NKAIN3: variants seen among roughly 807,000 people sequenced by gnomAD.
NKAIN3 encodes the protein sodium/potassium-transporting ATPase subunit beta-1-interacting protein 3.
In NKAIN3, 25 loss-of-function variants were observed where a neutral mutation model predicts 30.2. That is an observed-to-expected ratio of 0.83 (90% CI 0.60 to 1.16). The LOEUF (loss-of-function observed/expected upper bound fraction) is 1.16. Among genes scored for constraint, NKAIN3 ranks in the 50% most tolerant of loss-of-function variants. The pLI, the probability that NKAIN3 is intolerant of heterozygous loss-of-function variation, is 0.00. For missense variants in NKAIN3, 225 were observed against 254.1 expected, an observed-to-expected ratio of 0.89 and a Z score of 0.78; for synonymous variants, 91 against 89.6, an observed-to-expected ratio of 1.02 and a Z score of -0.09.
intron 6 of NKAIN3, 70 bp downstream of exon 6, chr8:62,954,042 A>C: frequency 4.9e-6 from 2 of 411,746 alleles, no homozygotes; most frequent in Non-Finnish European, 6.5e-6. Flanking sequence ...CAAAAGTGAA[A>C]TAATTTGAAC....
At chr8:62,902,172 G>GA (rs1172218861) in intron 4 of NKAIN3, among the ~76,000 whole-genome samples, 3 of 152,160 alleles carry the variant, frequency 2.0e-5, no homozygotes, top group Middle Eastern at 3.2e-3. Flanking sequence ...TGGTTCTGTG[G>GA]AAATCTGTAT....
At chr8:62,546,377 T>C (rs1314221251) in intron 1 of NKAIN3, among the ~76,000 whole-genome samples, 1 of 152,124 alleles carries the variant, frequency 6.6e-6, no homozygotes, top group Non-Finnish European at 1.5e-5. Flanking sequence ...AGTTTCAGAG[T>C]TGCTATGGCT....
Position 62,454,301 on chromosome 8 carries a change from C to CAAAAAAAA in NKAIN3, c.55-125223_55-125216dup, listed in dbSNP as rs201511724. Among the ~76,000 whole-genome samples the CAAAAAAAA allele has an allele frequency of 8.9e-4, 50 of 56,156 alleles. 2 individuals carry two copies. Among genetic ancestry groups the CAAAAAAAA allele is most frequent in the East Asian group, 1.2e-3 (3 of 2,602 alleles). The allele number at this position is 56,156 out of a possible 152,430, so 36.8% of individuals were successfully genotyped here. The stretch of plus-strand genomic sequence containing the variant: ...ACCAACACTAACAATAGCTGATGTG[C>CAAAAAAAA]AAAAAAAAAAAAAAAAAAAAAATCT... On this transcript the variant is annotated intron_variant, in intron 1 of 6. Transcript: ENST00000623646.
At chr8:62,436,594 C>T (rs994246585) in intron 1 of NKAIN3, among the ~76,000 whole-genome samples, 1 of 152,070 alleles carries the variant, frequency 6.6e-6, no homozygotes, top group African/African-American at 2.4e-5. Context: ...TTATTAAGTA[C>T]ATAATAAAGT....
chr8:62,868,503 G>C (rs1820493577), intron 4 of NKAIN3, among the ~76,000 whole-genome samples: 1 of 152,112 alleles, frequency 6.6e-6, no homozygotes, highest in African/African-American at 2.4e-5. Flanking sequence ...ATTTTTGCTT[G>C]GATTAACCCT....
At chr8:62,671,312 C>T (rs1052029141) in intron 3 of NKAIN3, among the ~76,000 whole-genome samples, 1 of 152,192 alleles carries the variant, frequency 6.6e-6, no homozygotes, top group South Asian at 2.1e-4. Flanking sequence ...ATCCTTCAGG[C>T]ATTCTTGACA....
rs114681960 is a variant in NKAIN3 at position 62,882,613 on chromosome 8, C to T, written c.472-35840C>T. 2.9e-3 allele frequency among the ~76,000 whole-genome samples: 447 copies of T among 152,204 alleles called. 2 individuals carry two copies. Among genetic ancestry groups the T allele is most frequent in the African/African-American group, 0.01 (429 of 41,540 alleles). ...GAATACAGGTGTGAGCCACTATGCCCTGCCTGGTGTTGTATTTAAAAAGAT... is the reference window on the plus strand; with the variant it reads ...GAATACAGGTGTGAGCCACTATGCCTTGCCTGGTGTTGTATTTAAAAAGAT... On this transcript the variant is annotated intron_variant, in intron 4 of 6. Coordinates refer to ENST00000623646, the MANE Select transcript of NKAIN3 (RefSeq NM_001304533.3).
intron 1 of NKAIN3, among the ~76,000 whole-genome samples, chr8:62,503,112 C>T (rs1807514695): frequency 6.6e-6 from 1 of 152,114 alleles, no homozygotes; most frequent in South Asian, 2.1e-4. Context: ...TCGGGGGAAC[C>T]CACTCCCAAT....
chr8:62,695,966 C>T (rs985456695), intron 3 of NKAIN3, among the ~76,000 whole-genome samples: 2 of 152,082 alleles, frequency 1.3e-5, no homozygotes, highest in African/African-American at 4.8e-5. Flanking sequence ...TTTAAAGAAA[C>T]ACATATTTTA....
chr8:62,747,966 A>G (rs1056475599), intron 4 of NKAIN3, among the ~76,000 whole-genome samples: 9 of 152,294 alleles, frequency 5.9e-5, no homozygotes, highest in African/African-American at 2.2e-4. Flanking sequence ...ATGAGTGGTT[A>G]TGTCAATGAA....
At chr8:62,341,886 G>C (rs1815759197) in intron 1 of NKAIN3, among the ~76,000 whole-genome samples, 1 of 152,052 alleles carries the variant, frequency 6.6e-6, no homozygotes, top group Non-Finnish European at 1.5e-5. Context: ...TTTACTCTAT[G>C]CTGTTTCTTG....
At chr8:62,540,134 T>A (rs1006789635) in intron 1 of NKAIN3, among the ~76,000 whole-genome samples, 1 of 152,202 alleles carries the variant, frequency 6.6e-6, no homozygotes, top group Admixed American at 6.5e-5. Flanking sequence ...TTCTTCTCTG[T>A]CTCCCATTCC....
At chr8:62,907,810 G>C (rs1276215606) in intron 4 of NKAIN3, among the ~76,000 whole-genome samples, 2 of 152,240 alleles carry the variant, frequency 1.3e-5, no homozygotes, top group Admixed American at 1.3e-4. Flanking sequence ...GCAGAGGTGT[G>C]CTGCAGGAGC....
intron 3 of NKAIN3, among the ~76,000 whole-genome samples, chr8:62,732,686 AT>A (rs1408723123): frequency 6.6e-6 from 1 of 152,040 alleles, no homozygotes; most frequent in Non-Finnish European, 1.5e-5. Flanking sequence ...TTTCCTATGT[AT>A]TGACACTAAT....
At chr8:62,571,577 C>T (rs1482818283) in intron 1 of NKAIN3, among the ~76,000 whole-genome samples, 1 of 152,144 alleles carries the variant, frequency 6.6e-6, no homozygotes, top group East Asian at 1.9e-4. Context: ...GAGCGCCAAC[C>T]CCACATTTCC....
intron 4 of NKAIN3, among the ~76,000 whole-genome samples, chr8:62,870,431 C>A (rs1399391775): frequency 3.7e-5 from 5 of 133,666 alleles, no homozygotes; most frequent in African/African-American, 1.1e-4. Context: ...TACATATATA[C>A]AATATATACA....
intron 3 of NKAIN3, among the ~76,000 whole-genome samples, chr8:62,622,304 A>T (rs906569465): frequency 2.0e-5 from 3 of 152,018 alleles, no homozygotes; most frequent in African/African-American, 4.8e-5. Flanking sequence ...TAAATGCCCG[A>T]GTGTGTAATT....
chr8:62,796,218 T>C (rs777158866), intron 4 of NKAIN3, among the ~76,000 whole-genome samples: 2 of 151,462 alleles, frequency 1.3e-5, no homozygotes, highest in Non-Finnish European at 2.9e-5. Flanking sequence ...ACCCCATCTC[T>C]ACTAAAAATA....
chr8:62,530,284 C>T (rs1808447879), intron 1 of NKAIN3, among the ~76,000 whole-genome samples: 1 of 151,986 alleles, frequency 6.6e-6, no homozygotes, highest in African/African-American at 2.4e-5. Flanking sequence ...AATATATTTC[C>T]TACACGACTT....
Sources: allele counts gnomAD v4.1 joint callset (sites outside exome capture counted in the v4.1 genomes callset), GRCh38; gene constraint gnomAD v4.1.1; transcripts MANE v1.5; gene names NCBI Gene and HGNC (gene_info 2026-07-23, HGNC 2026-07-21).